The following ABCA4 variants were observed in gnomAD, a reference collection of about 807,000 sequenced individuals.
ABCA4 encodes ATP binding cassette subfamily A member 4.
ABCA4 carries 196 observed loss-of-function variants against 263.7 expected under a neutral mutation model. The observed-to-expected ratio is 0.74, with a 90% CI of 0.66 to 0.84. The LOEUF (loss-of-function observed/expected upper bound fraction) is 0.84, where lower values mean the gene tolerates loss of function less well. ABCA4 is among the 40% of genes least tolerant of loss of function. ABCA4 has a pLI of 0.00. For missense variants in ABCA4, 2,792 were observed against 2,855.1 expected, an observed-to-expected ratio of 0.98 and a Z score of 0.50; for synonymous variants, 1,133 against 1,094.2, an observed-to-expected ratio of 1.04 and a Z score of -0.70.
chr1:94,015,911 T>C, intron 36 of ABCA4, 57 bp from the exon 37 acceptor site: 2 of 1,478,698 alleles, frequency 1.4e-6, no homozygotes, highest in East Asian at 2.4e-5. Context: ...CTGCCAGCTC[T>C]GCAAAATGAG....
chr1:94,089,898 A>G (rs970742509), intron 6 of ABCA4, among the ~76,000 whole-genome samples: 22 of 152,260 alleles, frequency 1.4e-4, no homozygotes, highest in African/African-American at 5.1e-4. Flanking sequence ...ATTAAAAAGT[A>G]AGATAATTAT....
chr1:94,104,405 G>A (rs1047742599), intron 4 of ABCA4, among the ~76,000 whole-genome samples: 1 of 152,126 alleles, frequency 6.6e-6, no homozygotes, highest in African/African-American at 2.4e-5. Flanking sequence ...CAATTCCACG[G>A]CATCCCATCC....
At chr1:94,117,481 CA>C (rs113395890) in intron 1 of ABCA4, among the ~76,000 whole-genome samples, 47,356 of 148,214 alleles carry the variant, frequency 0.32, 7,584 homozygotes, top group Middle Eastern at 0.45. Context: ...CAGGCCCCCC[CA>C]CAGATATCCA....
At chr1:94,086,754 T>C (rs746982013) in intron 6 of ABCA4, among the ~76,000 whole-genome samples, 2 of 152,150 alleles carry the variant, frequency 1.3e-5, no homozygotes, top group Non-Finnish European at 2.9e-5. Flanking sequence ...ATTTTTACCA[T>C]AGTTTGCAGT....
intron 36 of ABCA4, among the ~76,000 whole-genome samples, chr1:94,017,007 C>T (rs1026495352): frequency 1.3e-5 from 2 of 152,034 alleles, no homozygotes; most frequent in African/African-American, 4.8e-5. Context: ...CTTCAACGGC[C>T]CCCCACTGAC....
chr1:94,043,197 CT>C, intron 21 of ABCA4, 138 bp downstream of exon 21: 3 of 1,279,372 alleles, frequency 2.3e-6, no homozygotes, highest in Non-Finnish European at 3.2e-6. Context: ...GGGGGCTGCT[CT>C]TAGATTTTTG....
At chr1:94,051,826 T>C in intron 16 of ABCA4, 128 bp from the exon 17 acceptor site, 1 of 747,158 alleles carries the variant, frequency 1.3e-6, no homozygotes, top group South Asian at 1.5e-5. Flanking sequence ...TTGCAGTTAT[T>C]ATTACATGGC....
At chr1:94,094,939 C>A (rs975407718) in intron 6 of ABCA4, among the ~76,000 whole-genome samples, 16 of 152,200 alleles carry the variant, frequency 1.1e-4, no homozygotes, top group African/African-American at 3.9e-4. Flanking sequence ...GGGTTTCAAG[C>A]TGGGGGCGTT....
Position 94,031,140 on chromosome 1 carries a change from G to A in ABCA4, c.4129-20C>T. ...CACGATCTGTGGGAGAATAGACGTG[G>A]AATAAACATGACTGTGGCATGGAGA... On this transcript the variant is annotated intron_variant, in intron 27 of 49. Transcript: ENST00000370225. The A allele has an allele frequency of 1.2e-6, 2 of 1,613,686 alleles. No homozygotes were observed. The highest frequency in any genetic ancestry group is 1.1e-5 in the South Asian group (1 of 90,888).
At chr1:94,016,554 G>A (rs1381034367) in intron 36 of ABCA4, among the ~76,000 whole-genome samples, 3 of 152,148 alleles carry the variant, frequency 2.0e-5, no homozygotes, top group Non-Finnish European at 4.4e-5. Context: ...CTGTTCAGGT[G>A]TATAGGTCCG....
chr1:94,023,340 A>C (rs952100549), intron 32 of ABCA4, 46 bp downstream of exon 32: 1 of 1,499,572 alleles, frequency 6.7e-7, no homozygotes, highest in African/African-American at 1.4e-5. Flanking sequence ...TTATTTCAAC[A>C]ATGAATCAAT....
chr1:94,064,475 G>A (rs113018819), intron 11 of ABCA4, among the ~76,000 whole-genome samples: 4 of 152,276 alleles, frequency 2.6e-5, no homozygotes, highest in African/African-American at 7.2e-5. Flanking sequence ...GTGGGGGAAA[G>A]GTCAGCTCAG....
intron 6 of ABCA4, among the ~76,000 whole-genome samples, chr1:94,090,910 G>T (rs1188171894): frequency 6.6e-6 from 1 of 152,196 alleles, no homozygotes; most frequent in African/African-American, 2.4e-5. Context: ...CAGGGAGGGA[G>T]CAGTCAGTTT....
intron 26 of ABCA4, among the ~76,000 whole-genome samples, chr1:94,035,364 G>T (rs933893309): frequency 6.6e-6 from 1 of 152,220 alleles, no homozygotes; most frequent in African/African-American, 2.4e-5. Context: ...GTGGTGAATT[G>T]CTGCTGTCCC....
intron 22 of ABCA4, 103 bp downstream of exon 22, chr1:94,042,658 T>C: frequency 6.7e-7 from 1 of 1,490,956 alleles, no homozygotes; most frequent in Non-Finnish European, 9.3e-7. Context: ...GTGTAGTCAT[T>C]GTGGTTCCTG....
At chr1:94,104,127 A>G (rs1385370356) in intron 4 of ABCA4, among the ~76,000 whole-genome samples, 1 of 152,144 alleles carries the variant, frequency 6.6e-6, no homozygotes, top group Non-Finnish European at 1.5e-5. Context: ...TGGGAGATTC[A>G]CACAAGCACC....
chr1:93,997,874 G>A lies in ABCA4; in HGVS notation c.6716C>T (p.Thr2239Ile). ...LLIEEYSVTQ[T>I]TLDQVFVNFA... ...GGGCCAACTTGCCTGGTCCAGTGTG[G>A]TCTGTGTGACTGAGTACTCCTCGAT... The change falls in exon 48 of 50, where the codon ACC (threonine) becomes ATC (isoleucine). Residue 2239 changes from threonine (T) to isoleucine (I), a missense_variant. Transcript: ENST00000370225. The A allele has an allele frequency of 6.2e-7, 1 of 1,614,092 alleles. No homozygotes were observed. Among genetic ancestry groups the A allele is most frequent in the South Asian group, 1.1e-5 (1 of 91,064 alleles).
intron 26 of ABCA4, among the ~76,000 whole-genome samples, chr1:94,032,739 A>G (rs17389899): frequency 0.045 from 6,906 of 152,290 alleles, 197 homozygotes; most frequent in Middle Eastern, 0.19. Context: ...CATGTATCCT[A>G]CACAAAGAAA....
Position 93,992,995 on chromosome 1 carries a change from G to T in ABCA4, c.*242C>A. 1 of 575,070 alleles carries T rather than the reference G, an allele frequency of 1.7e-6. No individual in the cohort carries two copies. The allele number at this position is 575,070 out of a possible 1,614,324, so 35.6% of individuals were successfully genotyped here. On this transcript the variant is annotated 3_prime_UTR_variant, in exon 50 of 50. Coordinates refer to ENST00000370225, the MANE Select transcript of ABCA4 (RefSeq NM_000350.3). Reference sequence around the variant, plus strand: ...CCCGGGGTTTCTAGTTCTGGGGTCTGGAGAAGGATTTTGTATTTGTTTGGT... The same window carrying T: ...CCCGGGGTTTCTAGTTCTGGGGTCTTGAGAAGGATTTTGTATTTGTTTGGT...
Sources: allele counts gnomAD v4.1 joint callset (sites outside exome capture counted in the v4.1 genomes callset), GRCh38; gene constraint gnomAD v4.1.1; transcripts MANE v1.5; gene names NCBI Gene and HGNC (gene_info 2026-07-23, HGNC 2026-07-21).